The following SNAPC3 variants were observed in gnomAD, a reference collection of about 807,000 sequenced individuals.
SNAPC3 encodes snRNA-activating protein complex subunit 3.
Under a neutral mutation model 47.7 loss-of-function variants are expected in SNAPC3, and 56 were observed. That is an observed-to-expected ratio of 1.18 (90% confidence interval 0.95 to 1.47). The LOEUF (loss-of-function observed/expected upper bound fraction) is 1.47. Among genes scored for constraint, SNAPC3 ranks in the 40% most tolerant of loss-of-function variants. SNAPC3 has a pLI of 0.00. For synonymous variants in SNAPC3, 235 were observed against 189.9 expected, an observed-to-expected ratio of 1.24 and a Z score of -1.95; for missense variants, 665 against 511.3, an observed-to-expected ratio of 1.30 and a Z score of -2.90.
intron 2 of SNAPC3, among the ~76,000 whole-genome samples, chr9:15,429,321 C>G (rs1364908160): frequency 3.9e-5 from 6 of 152,160 alleles, no homozygotes; most frequent in Non-Finnish European, 8.8e-5. Context: ...TCTGTACCTG[C>G]TGGCCATTTC....
At chr9:15,462,247 A>G (rs1186895994), downstream of SNAPC3, 1 of 152,168 alleles carries the variant, frequency 6.6e-6, no homozygotes, top group African/African-American at 2.4e-5. Context: ...TGAGAATGTT[A>G]TTTTGCTAGT....
chr9:15,444,606 C>T lies in SNAPC3; in HGVS notation c.482C>T (p.Ser161Leu). Residue 161 changes from serine to leucine, a missense_variant, in exon 4 of 9, where the codon TCA becomes TTA. Physicochemically the swap from Ser to Leu is moderately radical, Grantham distance 145 (BLOSUM62 -2). Coordinates refer to ENST00000380821, the MANE Select transcript of SNAPC3 (RefSeq NM_001039697.2). The part of the protein sequence containing the change: ...RQETFVYEME[S>L]HAIGKKPENS... ...TGTCTCTTTTTCTTTCTTCAGGAGT[C>T]ACATGCCATAGGAAAAAAGCCTGAA... is the stretch of plus-strand genomic sequence containing the variant. 6.3e-7 allele frequency: 1 copy of T among 1,599,976 alleles called. No homozygotes were observed. Among genetic ancestry groups the T allele is most frequent in the Non-Finnish European group, 8.6e-7 (1 of 1,167,750 alleles).
chr9:15,459,453 T>G (rs1026007289), intron 8 of SNAPC3, among the ~76,000 whole-genome samples: 6 of 152,166 alleles, frequency 3.9e-5, no homozygotes, highest in Non-Finnish European at 7.4e-5. Flanking sequence ...TTCAAATAGA[T>G]TTATATTCTT....
At chr9:15,423,888 T>C (rs1436861724) in intron 1 of SNAPC3, 21 bp from the exon 2 acceptor site, 10 of 1,490,710 alleles carry the variant, frequency 6.7e-6, no homozygotes, top group Non-Finnish European at 9.1e-6. Flanking sequence ...CTTAAAGTAT[T>C]GCTTTTCCTT....
rs1048764473 is a variant in SNAPC3, at chr9:15,423,959, C to T, written c.365C>T (p.Pro122Leu). ...LEDGEDPEVIPENTDLVTLGV... is the reference protein window; with the variant it reads ...LEDGEDPEVILENTDLVTLGV... ...GACGGTGAGGATCCAGAAGTCATTC[C>T]GGAGAATACTGACCTGGTGACTTTG... Residue 122 changes from proline (P) to leucine (L), a missense_variant, in exon 2 of 9, where the codon CCG becomes CTG. Physicochemically the swap from Pro to Leu is moderately conservative, Grantham distance 98. Coordinates refer to ENST00000380821, the MANE Select transcript of SNAPC3 (RefSeq NM_001039697.2). 3 of 1,585,686 alleles carry T rather than the reference C, an allele frequency of 1.9e-6. No homozygotes were observed. Among genetic ancestry groups the T allele is most frequent in the Middle Eastern group, 1.7e-4 (1 of 6,006 alleles).
At chr9:15,442,824 GGGAGGT>G (rs898240869) in intron 3 of SNAPC3, among the ~76,000 whole-genome samples, 4 of 152,204 alleles carry the variant, frequency 2.6e-5, no homozygotes, top group South Asian at 2.1e-4. Flanking sequence ...GCAGGCGGCT[GGGAGGT>G]GGAGGTTGTA....
At chr9:15,444,925 C>T (rs901924954) in intron 4 of SNAPC3, among the ~76,000 whole-genome samples, 6 of 152,080 alleles carry the variant, frequency 3.9e-5, no homozygotes, top group Admixed American at 2.6e-4. Flanking sequence ...GACCTTGTCT[C>T]TACTAAAAAT....
chr9:15,433,653 T>C lies in SNAPC3; in HGVS notation c.477+17T>C. The C allele has an allele frequency of 6.8e-7, 1 of 1,475,880 alleles. No homozygotes were observed. The highest frequency in any genetic ancestry group is 9.4e-7 in the Non-Finnish European group (1 of 1,059,534). The allele number at this position is 1,475,880 out of a possible 1,614,324, so 91.4% of individuals were successfully genotyped here. A position where few individuals can be genotyped will look rare whatever the true frequency, so the allele number is the denominator to read the frequency against. ...TATGAGATGGTAATTAAGAGTCTCA[T>C]CTTTTTCACCCTTTTCTCTTAAAAC... On this transcript the variant is annotated intron_variant, in intron 3 of 8. Coordinates refer to ENST00000380821, the MANE Select transcript of SNAPC3 (RefSeq NM_001039697.2).
intron 2 of SNAPC3, among the ~76,000 whole-genome samples, chr9:15,429,594 C>A (rs976282669): frequency 2.0e-5 from 3 of 151,362 alleles, no homozygotes; most frequent in Admixed American, 2.0e-4. Flanking sequence ...ATGGGTAACT[C>A]TAGGATTTAA....
rs1329241889 is a variant in SNAPC3, at chr9:15,449,332, GT to G, written c.733-1982del. The stretch of plus-strand genomic sequence containing the variant: ...AACCCTGGAGAATGTTTGTCTGTCT[GT>G]TTTTTAATCAAGTCCAGTCTGGGCA... On this transcript the variant is annotated intron_variant, in intron 5 of 8. Transcript: ENST00000380821. Among the ~76,000 whole-genome samples, 4 of 152,004 alleles carry G rather than the reference GT, an allele frequency of 2.6e-5. No homozygotes were observed. The South Asian group carries it at 6.2e-4, about 24-fold the overall frequency.
rs2131891399 is a variant in SNAPC3, at chr9:15,447,207, G to C, written c.695G>C (p.Ser232Thr). ...VSDLQIGGEF[S>T]NTPDQAPEHI... ...GACCTCCAGATTGGTGGTGAATTCA[G>C]CAACACTCCTGACCAAGCCCCTGAG... Residue 232 changes from serine (S) to threonine (T), a missense_variant, in exon 5 of 9, where the codon AGC (serine) becomes ACC (threonine). Transcript: ENST00000380821. 6.2e-7 allele frequency: 1 copy of C among 1,614,086 alleles called. No homozygotes were observed. Among genetic ancestry groups the C allele is most frequent in the East Asian group, 2.2e-5 (1 of 44,884 alleles).
rs577599479 is a variant in SNAPC3 at position 15,445,785 on chromosome 9, C to T, written c.582+1079C>T. ...ACAAAGTGGCAAAACCTCATCTCTA[C>T]AAAAAATACAAAAACTAGCTAGGTG... On this transcript the variant is annotated intron_variant, in intron 4 of 8. Coordinates refer to ENST00000380821, the MANE Select transcript of SNAPC3 (RefSeq NM_001039697.2). 1.8e-4 allele frequency among the ~76,000 whole-genome samples: 28 copies of T among 152,162 alleles called. 1 individual carries two copies. The Middle Eastern group carries it at 0.01, about 55-fold the overall frequency.
downstream of SNAPC3, chr9:15,464,627 A>C (rs922724663): frequency 5.0e-6 from 1 of 198,260 alleles, no homozygotes; most frequent in African/African-American, 2.3e-5. Flanking sequence ...TTGTATAAGC[A>C]TCATGATTTT....
intron 2 of SNAPC3, among the ~76,000 whole-genome samples, chr9:15,431,253 C>G (rs1587188066): frequency 2.0e-5 from 3 of 152,184 alleles, no homozygotes; most frequent in African/African-American, 7.2e-5. Flanking sequence ...GCAAGTTCCA[C>G]TGATGCAGTA....
intron 7 of SNAPC3, among the ~76,000 whole-genome samples, chr9:15,457,387 G>A (rs1167455439): frequency 1.3e-5 from 2 of 152,046 alleles, no homozygotes; most frequent in African/African-American, 4.8e-5. Context: ...TTGAGACCAG[G>A]AGTTTGAGAC....
chr9:15,432,688 A>C (rs2032317746), intron 2 of SNAPC3, among the ~76,000 whole-genome samples: 1 of 152,234 alleles, frequency 6.6e-6, no homozygotes, highest in Non-Finnish European at 1.5e-5. Flanking sequence ...AGAAATGATG[A>C]AATAAACAGA....
rs763050814 is a variant in SNAPC3, at chr9:15,460,139, A to C, written c.*273A>C. 3 of 230,210 alleles carry C rather than the reference A, an allele frequency of 1.3e-5. No individual in the cohort carries two copies. The highest frequency in any genetic ancestry group is 2.5e-5 in the Non-Finnish European group (3 of 120,422). 14.3% of individuals were successfully genotyped at this position (230,210 alleles called of 1,614,324 possible). Reference sequence around the variant, plus strand: ...GTAGTACTTTATATATTCTGACTTTAAATCCTTTGTCAGACACACATATTC... The same window carrying C: ...GTAGTACTTTATATATTCTGACTTTCAATCCTTTGTCAGACACACATATTC... On this transcript the variant is annotated 3_prime_UTR_variant, in exon 9 of 9. Transcript: ENST00000380821.
chr9:15,442,774 C>T (rs1439725283), intron 3 of SNAPC3, among the ~76,000 whole-genome samples: 1 of 152,200 alleles, frequency 6.6e-6, no homozygotes, highest in Non-Finnish European at 1.5e-5. Context: ...GGGGTGGCGG[C>T]CGGGTACAGG....
chr9:15,465,194 T>A (rs1587443558), downstream of SNAPC3: 1 of 258,540 alleles, frequency 3.9e-6, no homozygotes, highest in Non-Finnish European at 7.4e-6. Context: ...GTAGCAGTTT[T>A]AAAAATGTAA....
Sources: allele counts gnomAD v4.1 joint callset (sites outside exome capture counted in the v4.1 genomes callset), GRCh38; gene constraint gnomAD v4.1.1; transcripts MANE v1.5; gene names NCBI Gene and HGNC (gene_info 2026-07-23, HGNC 2026-07-21).